The following MAP3K15 variants were observed in gnomAD, a reference collection of about 807,000 sequenced individuals.
MAP3K15 encodes mitogen-activated protein kinase kinase kinase 15.
Under a neutral mutation model 99.5 loss-of-function variants are expected in MAP3K15, and 124 were observed. The observed-to-expected ratio is 1.25, with a 90% CI of 1.08 to 1.45. MAP3K15 has a LOEUF of 1.45. Among genes scored for constraint, MAP3K15 ranks in the 40% most tolerant of loss-of-function variants. MAP3K15 has a pLI of 0.00. For missense variants in MAP3K15, 1,242 were observed against 1,079.7 expected (o/e 1.15, Z -2.11); for synonymous variants, 494 against 439.6 (o/e 1.12, Z -1.55).
intron 6 of MAP3K15, among the ~76,000 whole-genome samples, chrX:19,445,199 A>C (rs1300738765): frequency 9.1e-6 from 1 of 110,460 alleles, no homozygotes; most frequent in Non-Finnish European, 1.9e-5. Flanking sequence ...TCATCTCCCA[A>C]ATAAACTATC....
At chrX:19,433,609 TC>T (rs746032431) in intron 6 of MAP3K15, among the ~76,000 whole-genome samples, 2 of 110,998 alleles carry the variant, frequency 1.8e-5, no homozygotes, top group Admixed American at 9.7e-5. Context: ...CTGAGGCAAT[TC>T]TCATAATCCA....
At position 19,360,714 on chromosome X, in the gene MAP3K15, G is replaced by T. The variant is rs760828301; in HGVS notation, c.*35C>A. ...GAAGCTTTAACAAAACATGTAGCGTGGTGGGACACTCTGCCACAGCTTAGC... is the reference window on the plus strand; with the variant it reads ...GAAGCTTTAACAAAACATGTAGCGTTGTGGGACACTCTGCCACAGCTTAGC... On this transcript the variant is annotated 3_prime_UTR_variant, in exon 29 of 29. Transcript: ENST00000338883. 1 of 1,065,699 alleles carries T rather than the reference G, an allele frequency of 9.4e-7. No homozygotes were observed. The highest frequency in any genetic ancestry group is 1.3e-6 in the Non-Finnish European group (1 of 765,492). The allele number at this position is 1,065,699 out of a possible 1,213,427, so 87.8% of individuals were successfully genotyped here. A position where few individuals can be genotyped will look rare whatever the true frequency, so the allele number is the denominator to read the frequency against.
intron 1 of MAP3K15, among the ~76,000 whole-genome samples, chrX:19,502,494 T>A (rs1389392284): frequency 9.0e-6 from 1 of 111,121 alleles, no homozygotes; most frequent in African/African-American, 3.3e-5. Flanking sequence ...TCCTAAGCCC[T>A]CCCCAGCCAT....
intron 23 of MAP3K15, 93 bp from the exon 24 acceptor site, chrX:19,371,157 C>G (rs2063372458): frequency 1.2e-6 from 1 of 816,925 alleles, no homozygotes; most frequent in Non-Finnish European, 1.7e-6. Flanking sequence ...CTACACTCAT[C>G]CTCTTGGGGG....
chrX:19,414,552 A>G (rs1341271224), intron 10 of MAP3K15, among the ~76,000 whole-genome samples: 1 of 112,342 alleles, frequency 8.9e-6, no homozygotes, highest in African/African-American at 3.2e-5. Context: ...TAAAACAAAA[A>G]CTCAAGGAAA....
chrX:19,381,570 T>C (rs1205206110), intron 18 of MAP3K15, among the ~76,000 whole-genome samples: 3 of 111,545 alleles, frequency 2.7e-5, no homozygotes, highest in Non-Finnish European at 5.7e-5. Context: ...ATCATGGGTG[T>C]GAGATAGACA....
Position 19,362,818 on chromosome X carries a change from T to G in MAP3K15, c.3599A>C (p.Glu1200Ala). 1 of 1,170,388 alleles carries G rather than the reference T, an allele frequency of 8.5e-7. No homozygotes were observed. The change falls in exon 26 of 29, where the codon GAG (glutamate) becomes GCG (alanine). Residue 1200 changes from glutamate (E) to alanine (A), a missense_variant. Glu to Ala is a moderately radical substitution (Grantham distance 107). Transcript: ENST00000338883. The part of the protein sequence containing the change: ...LLEHLVEKER[E>A]YQNLLRQTLE... ...AGTTTGCCGCAGAAGATTCTGGTAC[T>G]CTCTCTCTTTTTCAACTAGGTGTTC...
chrX:19,369,200 C>CT lies in MAP3K15; in HGVS notation c.3419dup (p.Pro1141AlafsTer4). The CT allele has an allele frequency of 8.3e-7, 1 of 1,211,500 alleles. No individual in the cohort carries two copies. Among genetic ancestry groups the CT allele is most frequent in the Admixed American group, 2.2e-5 (1 of 45,987 alleles). ...CTACCCCTTCAGTCTCACAGGTAGG[C>CT]TCAAAGTGGGCTCGGAGCTCTGCAA... On this transcript the variant is annotated frameshift_variant, in exon 25 of 29. Coordinates refer to ENST00000338883, the MANE Select transcript of MAP3K15 (RefSeq NM_001001671.4). LOFTEE classifies it high-confidence loss of function.
intron 9 of MAP3K15, among the ~76,000 whole-genome samples, chrX:19,421,535 CA>C (rs1162307220): frequency 9.0e-6 from 1 of 110,711 alleles, no homozygotes; most frequent in Non-Finnish European, 1.9e-5. Flanking sequence ...AAAGAGGATA[CA>C]AGGAAACGGA....
intron 1 of MAP3K15, chrX:19,497,189 TCTCA>T (rs2064410344): frequency 1.9e-5 from 2 of 103,132 alleles, no homozygotes; most frequent in African/African-American, 7.3e-5. Flanking sequence ...TGAGATGGAA[TCTCA>T]CTCTGTTGCC....
intron 1 of MAP3K15, chrX:19,497,033 G>A (rs1454085872): frequency 2.7e-5 from 3 of 111,172 alleles, no homozygotes; most frequent in African/African-American, 9.8e-5. Flanking sequence ...TTTGAGAAGG[G>A]ATGTGCAGAG....
chrX:19,476,856 C>T (rs905768825), intron 3 of MAP3K15, among the ~76,000 whole-genome samples: 1 of 111,567 alleles, frequency 9.0e-6, no homozygotes, highest in African/African-American at 3.3e-5. Flanking sequence ...TCAGAGCTGG[C>T]ACAAATCTCA....
At chrX:19,457,532 A>C (rs1310963475) in intron 5 of MAP3K15, among the ~76,000 whole-genome samples, 1 of 111,784 alleles carries the variant, frequency 8.9e-6, no homozygotes, top group Non-Finnish European at 1.9e-5. Context: ...GAATTGATTG[A>C]ACCTGAGAGG....
At chrX:19,476,517 C>T (rs980499430) in intron 3 of MAP3K15, among the ~76,000 whole-genome samples, 4 of 111,973 alleles carry the variant, frequency 3.6e-5, no homozygotes, top group African/African-American at 1.3e-4. Flanking sequence ...AAAAGATAAG[C>T]TTTAGGCTCA....
chrX:19,431,870 G>A (rs1198169619), intron 6 of MAP3K15, among the ~76,000 whole-genome samples: 1 of 110,200 alleles, frequency 9.1e-6, no homozygotes, highest in Non-Finnish European at 1.9e-5. Context: ...CTTGAAACTG[G>A]GAGGCAGAGG....
At chrX:19,458,121 G>C (rs1194578962) in intron 5 of MAP3K15, among the ~76,000 whole-genome samples, 1 of 112,166 alleles carries the variant, frequency 8.9e-6, no homozygotes, top group Non-Finnish European at 1.9e-5. Context: ...CAGCAGAACA[G>C]GGCTTCCCAC....
At chrX:19,429,938 T>C (rs777516566) in intron 7 of MAP3K15, among the ~76,000 whole-genome samples, 7 of 111,340 alleles carry the variant, frequency 6.3e-5, no homozygotes, top group African/African-American at 2.0e-4. Context: ...TCCAACTTTC[T>C]CAACATTTTT....
At chrX:19,391,763 C>T (rs1244517540) in intron 18 of MAP3K15, among the ~76,000 whole-genome samples, 4 of 108,844 alleles carry the variant, frequency 3.7e-5, no homozygotes, top group Non-Finnish European at 7.6e-5. Flanking sequence ...ATCTACCCAA[C>T]TTTTGGATGA....
At chrX:19,366,141 A>G (rs1193955590) in intron 25 of MAP3K15, among the ~76,000 whole-genome samples, 2 of 110,546 alleles carry the variant, frequency 1.8e-5, no homozygotes, top group Admixed American at 9.7e-5. Flanking sequence ...GGGAGAGGAG[A>G]ACACTTCTGC....
Sources: allele counts gnomAD v4.1 joint callset (sites outside exome capture counted in the v4.1 genomes callset), GRCh38; gene constraint gnomAD v4.1.1; transcripts MANE v1.5; gene names NCBI Gene and HGNC (gene_info 2026-07-23, HGNC 2026-07-21).